Variants in TMEM18 observed in about 807,000 individuals in gnomAD.
TMEM18 encodes the protein transmembrane protein 18.
A neutral mutation model predicts 17.4 loss-of-function variants in TMEM18; 14 were observed. The observed-to-expected ratio is 0.80, with a 90% CI of 0.53 to 1.25. The LOEUF (loss-of-function observed/expected upper bound fraction) is 1.25, where lower values mean the gene tolerates loss of function less well. TMEM18 is among the 50% of genes most tolerant of loss of function. TMEM18 has a pLI of 0.00. For synonymous variants in TMEM18, 86 were observed against 66.1 expected, an observed-to-expected ratio of 1.30 and a Z score of -1.46; for missense variants, 187 against 172.1, an observed-to-expected ratio of 1.09 and a Z score of -0.48.
chr2:675,740 T>C, intron 1 of TMEM18, 110 bp from the exon 2 acceptor site: 1 of 1,540,684 alleles, frequency 6.5e-7, no homozygotes, highest in Non-Finnish European at 8.7e-7. Context: ...CACTCCTGAG[T>C]CCTCCTGGGC....
At chr2:671,459 T>C (rs113741978) in intron 3 of TMEM18, among the ~76,000 whole-genome samples, 373 of 12,148 alleles carry the variant, frequency 0.031, 12 homozygotes, top group African/African-American at 0.16. Flanking sequence ...AGAGGCAGGG[T>C]CCTCCTGGGA....
At position 668,162 on chromosome 2, in the gene TMEM18, A is replaced by G. The variant is rs1572408199; in HGVS notation, c.*1418T>C. ...TTGTGAGAACTCCCTCTCTATTATG[A>G]TAACAACATAGGGGAAACCACCCCC... On this transcript the variant is annotated 3_prime_UTR_variant, in exon 5 of 5. Transcript: ENST00000281017. 1 of 152,184 alleles carries G rather than the reference A, an allele frequency of 6.6e-6. No homozygotes were observed. The highest frequency in any genetic ancestry group is 1.5e-5 in the Non-Finnish European group (1 of 68,030). The allele number at this position is 152,184 out of a possible 1,614,324, so 9.4% of individuals were successfully genotyped here. A position where few individuals can be genotyped will look rare whatever the true frequency, so the allele number is the denominator to read the frequency against.
chr2:673,990 CT>C (rs1678929813), intron 2 of TMEM18, among the ~76,000 whole-genome samples: 2 of 152,108 alleles, frequency 1.3e-5, no homozygotes, highest in Admixed American at 6.5e-5. Context: ...GAAATGCACC[CT>C]GGAGCAGAGT....
At position 673,730 on chromosome 2, in the gene TMEM18, G is replaced by A. The variant is rs372093605; in HGVS notation, c.179-868C>T. On this transcript the variant is annotated intron_variant, in intron 2 of 4. Coordinates refer to ENST00000281017, the MANE Select transcript of TMEM18 (RefSeq NM_152834.4). ...CACAGGGAAAGAACCAGAGGGGAGG[G>A]GAGGGAGGAGGAGGAGGAGGAGGGG... 3.3e-5 allele frequency among the ~76,000 whole-genome samples: 5 copies of A among 149,786 alleles called. No individual in the cohort carries two copies. The East Asian group carries it at 1.0e-3, about 30-fold the overall frequency.
At chr2:673,080 TCTCA>T (rs1196027482) in intron 2 of TMEM18, among the ~76,000 whole-genome samples, 1 of 152,174 alleles carries the variant, frequency 6.6e-6, no homozygotes, top group Non-Finnish European at 1.5e-5. Context: ...TGCTCTATGG[TCTCA>T]CTCAGAGCCC....
At chr2:676,019 A>C (rs926742661) in intron 1 of TMEM18, 1 of 1,308,374 alleles carries the variant, frequency 7.6e-7, no homozygotes, top group African/African-American at 1.5e-5. Flanking sequence ...GACGACAAGG[A>C]AATTAAGACG....
intron 1 of TMEM18, chr2:675,909 A>C (rs1678992020): frequency 3.4e-6 from 5 of 1,449,630 alleles, no homozygotes; most frequent in Non-Finnish European, 4.6e-6. Context: ...GGCATCTCTG[A>C]TGTGCTCCTT....
At position 665,714 on chromosome 2, in the gene TMEM18, C is replaced by A. The variant is rs180809322; in HGVS notation, c.*3866G>T. Among the ~76,000 whole-genome samples, 45 of 140,622 alleles carry A rather than the reference C, an allele frequency of 3.2e-4. No individual in the cohort carries two copies. The Middle Eastern group carries it at 0.015, about 46-fold the overall frequency. The allele number at this position is 140,622 out of a possible 152,430, so 92.3% of individuals were successfully genotyped here. On this transcript the variant is annotated 3_prime_UTR_variant, in exon 5 of 5. Coordinates refer to ENST00000281017, the MANE Select transcript of TMEM18 (RefSeq NM_152834.4). ...GATAGAGAATCAACCCTACATACAA[C>A]AGGACCCAGAGATGCAGATGCCCCA...
chr2:672,670 C>T (rs947528062), intron 3 of TMEM18, 138 bp downstream of exon 3: 2 of 667,612 alleles, frequency 3.0e-6, no homozygotes, highest in Non-Finnish European at 4.5e-6. Context: ...AGCCCACCAA[C>T]CCTGGATGCA....
In TMEM18 at chr2:669,566, G is replaced by A. The variant is rs201065294; in HGVS notation, c.*14C>T. On this transcript the variant is annotated 3_prime_UTR_variant, in exon 5 of 5. Coordinates refer to ENST00000281017, the MANE Select transcript of TMEM18 (RefSeq NM_152834.4). The stretch of plus-strand genomic sequence containing the variant: ...TGGACGGGAAGGACGCAAACTCCAA[G>A]CAGCTGCTGCCCCTCAGTCTTCTTT... 1.4e-3 allele frequency: 2,283 copies of A among 1,613,926 alleles called. 32 individuals are homozygous for A. The highest frequency in any genetic ancestry group is 4.4e-4 in the Non-Finnish European group (517 of 1,179,808).
At chr2:675,473 G>A (rs370804238) in intron 2 of TMEM18, 37 bp downstream of exon 2, 1 of 1,613,518 alleles carries the variant, frequency 6.2e-7, no homozygotes, top group African/African-American at 1.3e-5. Context: ...ATTTCACACA[G>A]TGATCTGAGT....
In TMEM18 at chr2:669,235, G is replaced by C; in HGVS notation, c.*345C>G. On this transcript the variant is annotated 3_prime_UTR_variant, in exon 5 of 5. Coordinates refer to ENST00000281017, the MANE Select transcript of TMEM18 (RefSeq NM_152834.4). ...TACAGGTGGCACTGTTTATTATTGA[G>C]TTTCATATTTTATATTGTGTATTTT... 1 of 219,574 alleles carries C rather than the reference G, an allele frequency of 4.6e-6. No homozygotes were observed. Among genetic ancestry groups the C allele is most frequent in the Non-Finnish European group, 9.0e-6 (1 of 111,588 alleles). The allele number at this position is 219,574 out of a possible 1,614,324, so 13.6% of individuals were successfully genotyped here. A position where few individuals can be genotyped will look rare whatever the true frequency, so the allele number is the denominator to read the frequency against.
At chr2:675,368 G>C in intron 2 of TMEM18, 142 bp downstream of exon 2, 2 of 1,225,544 alleles carry the variant, frequency 1.6e-6, no homozygotes, top group Non-Finnish European at 2.3e-6. Flanking sequence ...GTGAAAAACG[G>C]GAGTGCCCTG....
intron 1 of TMEM18, chr2:676,313 C>A: frequency 6.7e-7 from 1 of 1,484,394 alleles, no homozygotes; most frequent in Non-Finnish European, 9.0e-7. Context: ...CCACCTGATG[C>A]TCAGATGCCA....
rs1018631542 is a variant in TMEM18 at position 667,302 on chromosome 2, A to T, written c.*2278T>A. 2 of 151,804 alleles carry T rather than the reference A, an allele frequency of 1.3e-5. No individual in the cohort carries two copies. The highest frequency in any genetic ancestry group is 2.9e-5 in the Non-Finnish European group (2 of 67,970). The allele number at this position is 151,804 out of a possible 1,614,324, so 9.4% of individuals were successfully genotyped here. A position where few individuals can be genotyped will look rare whatever the true frequency, so the allele number is the denominator to read the frequency against. ...TACAGTAAGGTGCAAAACAAATACC[A>T]TTTTTTTGAAAAAAACAAAAAAAAA... On this transcript the variant is annotated 3_prime_UTR_variant, in exon 5 of 5. Transcript: ENST00000281017.
Position 669,595 on chromosome 2 carries a change from T to C in TMEM18, c.408A>G (p.Arg136=). ...CTGCTGCCCCTCAGTCTTCTTTCCT[T>C]CTCCTTTTCTTTTCCTTTCTTCTCT... ...AQERRKEKKR[R]RKED Residue 136 remains arginine (R), a synonymous_variant, in exon 5 of 5, where the codon AGA becomes AGG. Coordinates refer to ENST00000281017, the MANE Select transcript of TMEM18 (RefSeq NM_152834.4). 1 of 1,614,210 alleles carries C rather than the reference T, an allele frequency of 6.2e-7. No homozygotes were observed. Among genetic ancestry groups the C allele is most frequent in the Non-Finnish European group, 8.5e-7 (1 of 1,180,028 alleles).
chr2:674,946 G>A (rs550434156), intron 2 of TMEM18, among the ~76,000 whole-genome samples: 2 of 152,302 alleles, frequency 1.3e-5, no homozygotes, highest in South Asian at 2.1e-4. Context: ...ATGTCGGGCT[G>A]CTGCCCTCCC....
At position 666,936 on chromosome 2, in the gene TMEM18, G is replaced by A. The variant is rs1225847128; in HGVS notation, c.*2644C>T. ...GGGCCTGACCGGTATATCTCTGACG[G>A]CAATTCTCGTCTGTCTTTAAGCATC... On this transcript the variant is annotated 3_prime_UTR_variant, in exon 5 of 5. Transcript: ENST00000281017. Among the ~76,000 whole-genome samples the A allele has an allele frequency of 2.6e-5, 4 of 151,680 alleles. No individual in the cohort carries two copies. The highest frequency in any genetic ancestry group is 9.7e-5 in the African/African-American group (4 of 41,234).
chr2:674,054 T>C (rs62103593), intron 2 of TMEM18, among the ~76,000 whole-genome samples: 126,201 of 152,086 alleles, frequency 0.83, 52,503 homozygotes, highest in Middle Eastern at 0.88. Flanking sequence ...CTGAGGGAGT[T>C]AGAGAACCTC....
Sources: allele counts gnomAD v4.1 joint callset (sites outside exome capture counted in the v4.1 genomes callset), GRCh38; gene constraint gnomAD v4.1.1; transcripts MANE v1.5; gene names NCBI Gene and HGNC (gene_info 2026-07-23, HGNC 2026-07-21).